Variants in ATP8A2 observed in about 807,000 individuals in gnomAD.
ATP8A2 encodes the protein ATPase phospholipid transporting 8A2, also known as phospholipid-transporting ATPase IB.
A neutral mutation model predicts 165.6 loss-of-function variants in ATP8A2; 100 were observed. The observed-to-expected ratio is 0.60, with a 90% CI of 0.51 to 0.71. The LOEUF (loss-of-function observed/expected upper bound fraction) is 0.71. Ranked by LOEUF, ATP8A2 falls within the 30% of genes least tolerant of loss-of-function variation. The pLI, the probability that ATP8A2 is intolerant of heterozygous loss-of-function variation, is 0.00. For synonymous variants in ATP8A2, 543 were observed against 548.8 expected, an observed-to-expected ratio of 0.99 and a Z score of 0.15; for missense variants, 1,227 against 1,479.5, an observed-to-expected ratio of 0.83 and a Z score of 2.80.
At chr13:25,777,942 C>T (rs1444284498) in intron 27 of ATP8A2, among the ~76,000 whole-genome samples, 2 of 152,216 alleles carry the variant, frequency 1.3e-5, no homozygotes, top group Non-Finnish European at 2.9e-5. Flanking sequence ...ACCTTTTTCT[C>T]TGTAGGTATG....
chr13:25,428,956 C>T (rs889172224), intron 1 of ATP8A2, among the ~76,000 whole-genome samples: 4 of 152,158 alleles, frequency 2.6e-5, no homozygotes, highest in Non-Finnish European at 4.4e-5. Flanking sequence ...GGAAATGCCC[C>T]CCAGCTAGGC....
intron 25 of ATP8A2, among the ~76,000 whole-genome samples, chr13:25,699,628 G>T (rs2042909874): frequency 6.6e-6 from 1 of 152,140 alleles, no homozygotes; most frequent in Non-Finnish European, 1.5e-5. Flanking sequence ...GAAAAACACT[G>T]CCTCAAGCCC....
chr13:25,824,358 A>G (rs920403664), intron 27 of ATP8A2, among the ~76,000 whole-genome samples: 19 of 152,266 alleles, frequency 1.2e-4, no homozygotes, highest in African/African-American at 3.4e-4. Flanking sequence ...TTTCTTTGCT[A>G]TATTAGACAT....
intron 24 of ATP8A2, among the ~76,000 whole-genome samples, chr13:25,640,902 C>G (rs1298533180): frequency 6.6e-6 from 1 of 152,146 alleles, no homozygotes; most frequent in South Asian, 2.1e-4. Context: ...AAAGCTTATC[C>G]ACCATGATCA....
intron 35 of ATP8A2, among the ~76,000 whole-genome samples, chr13:25,972,219 C>T (rs371471588): frequency 2.2e-4 from 34 of 152,202 alleles, no homozygotes; most frequent in African/African-American, 8.2e-4. Flanking sequence ...TATTTTCATC[C>T]AACATTTTAT....
At position 25,390,727 on chromosome 13, in the gene ATP8A2, C is replaced by T. The variant is rs149203304; in HGVS notation, c.76+18439C>T. Among the ~76,000 whole-genome samples the T allele has an allele frequency of 1.2e-3, 177 of 152,142 alleles. 4 individuals carry two copies. The East Asian group carries it at 0.021, about 18-fold the overall frequency. On this transcript the variant is annotated intron_variant, in intron 1 of 36. Coordinates refer to ENST00000381655, the MANE Select transcript of ATP8A2 (RefSeq NM_016529.6). ...GGTGGATCATTTGAGGTCAGGAGTT[C>T]GAGACCAGCCAGGCCATCATGGTGA...
rs558689934 is a variant in ATP8A2 at position 25,722,809 on chromosome 13, A to G, written c.2384+23464A>G. 2.6e-5 allele frequency among the ~76,000 whole-genome samples: 4 copies of G among 152,326 alleles called. No homozygotes were observed. The East Asian group carries it at 5.8e-4, about 22-fold the overall frequency. ...TACCTAAGATCATATCCTCCTTTCT[A>G]TCCCACAAAGGTAACTAATTTTATT... On this transcript the variant is annotated intron_variant, in intron 25 of 36. Transcript: ENST00000381655.
In ATP8A2 at chr13:25,673,696, G is replaced by T. The variant is rs7338495; in HGVS notation, c.2212-25477G>T. On this transcript the variant is annotated intron_variant, in intron 24 of 36. Coordinates refer to ENST00000381655, the MANE Select transcript of ATP8A2 (RefSeq NM_016529.6). The stretch of plus-strand genomic sequence containing the variant: ...ATCCCACCCAAACAGCTATTGGTGC[G>T]TAGGAAAAATGGTTTAGGCTGATAA... 2.6e-3 allele frequency among the ~76,000 whole-genome samples: 394 copies of T among 152,162 alleles called. 4 individuals are homozygous for T. The highest frequency in any genetic ancestry group is 4.6e-3 in the Non-Finnish European group (311 of 68,014).
intron 10 of ATP8A2, among the ~76,000 whole-genome samples, chr13:25,545,428 A>G (rs1396431168): frequency 6.6e-6 from 1 of 151,734 alleles, no homozygotes; most frequent in African/African-American, 2.4e-5. Flanking sequence ...CCATGCAAGA[A>G]CTCAGGAGGC....
intron 26 of ATP8A2, among the ~76,000 whole-genome samples, chr13:25,770,413 A>G (rs534609945): frequency 6.6e-6 from 1 of 152,274 alleles, no homozygotes; most frequent in South Asian, 2.1e-4. Context: ...ACTGAGCTCA[A>G]GAAGACAGCT....
intron 24 of ATP8A2, among the ~76,000 whole-genome samples, chr13:25,666,722 A>T (rs1473646765): frequency 6.6e-6 from 1 of 152,172 alleles, no homozygotes; most frequent in South Asian, 2.1e-4. Context: ...AGGCATTATG[A>T]CAACTGTATA....
chr13:25,536,803 C>T (rs2038300028), intron 6 of ATP8A2, among the ~76,000 whole-genome samples: 1 of 152,150 alleles, frequency 6.6e-6, no homozygotes, highest in Admixed American at 6.5e-5. Flanking sequence ...CTCATGATGT[C>T]CTTTCAGTTA....
At chr13:25,524,245 T>C (rs2037763238) in intron 2 of ATP8A2, among the ~76,000 whole-genome samples, 1 of 152,206 alleles carries the variant, frequency 6.6e-6, no homozygotes, top group Non-Finnish European at 1.5e-5. Context: ...TTTCTAACTT[T>C]TTGAATGTGC....
At chr13:26,007,808 C>T (rs1956773377) in intron 35 of ATP8A2, among the ~76,000 whole-genome samples, 1 of 152,150 alleles carries the variant, frequency 6.6e-6, no homozygotes, top group Non-Finnish European at 1.5e-5. Flanking sequence ...GCAGAGGTTT[C>T]ATGGGTTAAT....
chr13:25,391,969 A>G (rs927573229), intron 1 of ATP8A2, among the ~76,000 whole-genome samples: 17 of 152,232 alleles, frequency 1.1e-4, no homozygotes, highest in African/African-American at 4.1e-4. Context: ...AAGTCAAACT[A>G]TCAGATTCCT....
intron 35 of ATP8A2, among the ~76,000 whole-genome samples, chr13:25,999,232 C>G (rs1218486029): frequency 6.6e-6 from 1 of 152,182 alleles, no homozygotes; most frequent in Non-Finnish European, 1.5e-5. Context: ...AATGAACCCT[C>G]TAGTTGAACA....
intron 35 of ATP8A2, among the ~76,000 whole-genome samples, chr13:25,993,409 G>T (rs1447282797): frequency 3.3e-5 from 5 of 152,176 alleles, no homozygotes; most frequent in Non-Finnish European, 7.3e-5. Flanking sequence ...GGGCAATTAG[G>T]CAGGAGAAGG....
rs898738223 is a variant in ATP8A2 at position 25,672,098 on chromosome 13, G to A, written c.2212-27075G>A. Among the ~76,000 whole-genome samples, 3 of 152,210 alleles carry A rather than the reference G, an allele frequency of 2.0e-5. No homozygotes were observed. The East Asian group carries it at 5.8e-4, about 29-fold the overall frequency. On this transcript the variant is annotated intron_variant, in intron 24 of 36. Transcript: ENST00000381655. ...ATAGAGCAGCGTACTATTTTGCTCA[G>A]TGGGGGACACTGTAGGTCATAGAGT...
chr13:26,019,787 C>A, intron 36 of ATP8A2, 101 bp from the exon 37 acceptor site: 1 of 751,248 alleles, frequency 1.3e-6, no homozygotes, highest in South Asian at 1.6e-5. Flanking sequence ...CCAGATGTCG[C>A]ACTCACCCGC....
Sources: allele counts gnomAD v4.1 joint callset (sites outside exome capture counted in the v4.1 genomes callset), GRCh38; gene constraint gnomAD v4.1.1; transcripts MANE v1.5; gene names NCBI Gene and HGNC (gene_info 2026-07-23, HGNC 2026-07-21).